Variants in DPYD observed in about 807,000 individuals in gnomAD.
DPYD encodes the protein dihydropyrimidine dehydrogenase [NADP(+)].
A neutral mutation model predicts 116.2 loss-of-function variants in DPYD; 109 were observed. That is an observed-to-expected ratio of 0.94 (90% confidence interval 0.80 to 1.10). DPYD has a LOEUF of 1.10. Ranked by LOEUF, DPYD falls within the 50% of genes least tolerant of loss-of-function variation. The pLI is 0.00. For synonymous variants in DPYD, 440 were observed against 432.0 expected (o/e 1.02, Z -0.23); for missense variants, 1,302 against 1,254.5 (o/e 1.04, Z -0.57).
At chr1:97,756,819 T>C (rs758118178) in intron 3 of DPYD, among the ~76,000 whole-genome samples, 7 of 152,152 alleles carry the variant, frequency 4.6e-5, no homozygotes, top group Non-Finnish European at 1.0e-4. Flanking sequence ...TATTTTCAGT[T>C]AAATATGCTA....
chr1:97,292,554 C>A (rs1666266528), intron 18 of DPYD, among the ~76,000 whole-genome samples: 1 of 152,134 alleles, frequency 6.6e-6, no homozygotes, highest in South Asian at 2.1e-4. Flanking sequence ...ATTATGAGAA[C>A]TACAGTTCAA....
At chr1:97,746,544 TA>T (rs1183361118) in intron 3 of DPYD, among the ~76,000 whole-genome samples, 9 of 152,148 alleles carry the variant, frequency 5.9e-5, no homozygotes, top group Admixed American at 5.9e-4. Context: ...CTGTTGCTCT[TA>T]AACGTATTTG....
At chr1:97,618,613 A>ACC (rs1379121232) in intron 8 of DPYD, among the ~76,000 whole-genome samples, 1 of 152,090 alleles carries the variant, frequency 6.6e-6, no homozygotes, top group Non-Finnish European at 1.5e-5. Context: ...CTCATTACAG[A>ACC]CCAGTAATAA....
intron 8 of DPYD, among the ~76,000 whole-genome samples, chr1:97,605,239 G>A (rs546879816): frequency 5.4e-4 from 82 of 152,120 alleles, no homozygotes; most frequent in Middle Eastern, 6.8e-3. Flanking sequence ...TGTTCATATC[G>A]ATATGTGATA....
At chr1:97,770,728 A>G (rs1666094380) in intron 3 of DPYD, among the ~76,000 whole-genome samples, 3 of 152,194 alleles carry the variant, frequency 2.0e-5, no homozygotes, top group Admixed American at 2.0e-4. Flanking sequence ...TGCAAATAAA[A>G]AATTTCATTG....
At chr1:97,669,934 T>TCC (rs1659766273) in intron 8 of DPYD, among the ~76,000 whole-genome samples, 3 of 152,168 alleles carry the variant, frequency 2.0e-5, no homozygotes, top group African/African-American at 7.2e-5. Context: ...CACCAAACTT[T>TCC]ACATAGCAGC....
At chr1:97,342,249 TCTTC>T (rs1669625224) in intron 16 of DPYD, among the ~76,000 whole-genome samples, 2 of 152,188 alleles carry the variant, frequency 1.3e-5, no homozygotes, top group Non-Finnish European at 2.9e-5. Context: ...TTGTCTACTT[TCTTC>T]CTTTTAATCT....
chr1:97,867,941 G>C (rs959634031), intron 2 of DPYD, among the ~76,000 whole-genome samples: 1 of 151,734 alleles, frequency 6.6e-6, no homozygotes, highest in Non-Finnish European at 1.5e-5. Context: ...TTGTGTGTTT[G>C]CAGGTGACAT....
At chr1:97,466,695 G>A (rs1426606912) in intron 13 of DPYD, among the ~76,000 whole-genome samples, 3 of 152,066 alleles carry the variant, frequency 2.0e-5, no homozygotes, top group African/African-American at 4.8e-5. Context: ...ATGTGACCAC[G>A]CTATTTTGGG....
intron 13 of DPYD, among the ~76,000 whole-genome samples, chr1:97,451,217 C>T (rs1676394773): frequency 6.6e-6 from 1 of 152,064 alleles, no homozygotes; most frequent in Non-Finnish European, 1.5e-5. Context: ...GATTTCATAA[C>T]ATTTGGACGT....
At chr1:97,451,316 G>T (rs1386598350) in intron 13 of DPYD, among the ~76,000 whole-genome samples, 1 of 152,090 alleles carries the variant, frequency 6.6e-6, no homozygotes, top group African/African-American at 2.4e-5. Flanking sequence ...TGCCACAAAA[G>T]ATTATTTATT....
At chr1:97,741,051 A>G (rs1664235784) in intron 3 of DPYD, among the ~76,000 whole-genome samples, 1 of 152,094 alleles carries the variant, frequency 6.6e-6, no homozygotes, top group Non-Finnish European at 1.5e-5. Flanking sequence ...GCCCAGATCC[A>G]TACCCTTCAG....
At chr1:97,249,276 C>G (rs1280058377) in intron 18 of DPYD, among the ~76,000 whole-genome samples, 1 of 151,780 alleles carries the variant, frequency 6.6e-6, no homozygotes, top group Non-Finnish European at 1.5e-5. Context: ...TATAGTCCCA[C>G]AGGTAAGGCC....
At chr1:97,217,251 A>G (rs189514328) in intron 19 of DPYD, among the ~76,000 whole-genome samples, 1 of 152,200 alleles carries the variant, frequency 6.6e-6, no homozygotes, top group Non-Finnish European at 1.5e-5. Context: ...AATTGATAAT[A>G]ATTATTCTAT....
chr1:97,801,987 A>G (rs997460581), intron 3 of DPYD, among the ~76,000 whole-genome samples: 1 of 151,948 alleles, frequency 6.6e-6, no homozygotes. Flanking sequence ...TATAAAATAT[A>G]AATAAGAAAT....
chr1:97,555,725 T>A (rs985122300), intron 11 of DPYD, among the ~76,000 whole-genome samples: 6 of 152,058 alleles, frequency 3.9e-5, no homozygotes, highest in Non-Finnish European at 5.9e-5. Flanking sequence ...ACCTTCGCTC[T>A]CTCTCTCTTC....
intron 12 of DPYD, among the ~76,000 whole-genome samples, chr1:97,549,269 T>C (rs1425745102): frequency 6.6e-6 from 1 of 152,088 alleles, no homozygotes; most frequent in Non-Finnish European, 1.5e-5. Flanking sequence ...TATTCCTATG[T>C]TGCCCAGGCT....
At chr1:97,501,935 G>A (rs1570849785) in intron 13 of DPYD, among the ~76,000 whole-genome samples, 1 of 152,030 alleles carries the variant, frequency 6.6e-6, no homozygotes, top group Non-Finnish European at 1.5e-5. Flanking sequence ...GTATTCCTCT[G>A]AGGTCATGTA....
At chr1:97,141,777 C>T (rs565179967) in intron 20 of DPYD, among the ~76,000 whole-genome samples, 2 of 152,218 alleles carry the variant, frequency 1.3e-5, no homozygotes, top group South Asian at 4.1e-4. Context: ...GAATTTCAGT[C>T]ATCTTAGCTG....
Sources: gnomAD v4.1 joint callset for allele counts (sites outside exome capture counted in the v4.1 genomes callset) on GRCh38, gnomAD v4.1.1 for gene constraint, MANE v1.5 for transcripts, NCBI Gene and HGNC (gene_info 2026-07-23, HGNC 2026-07-21) for gene names.